The following TCF7L2 variants were observed in gnomAD, a reference collection of about 807,000 sequenced individuals.
The protein encoded by TCF7L2 is transcription factor 7-like 2.
In TCF7L2, 23 loss-of-function variants were observed where a neutral mutation model predicts 77.9. That is an observed-to-expected ratio of 0.30 (90% CI 0.21 to 0.42). The LOEUF is 0.42. Ranked by LOEUF, TCF7L2 falls within the 10% of genes least tolerant of loss-of-function variation. The pLI is 1.00. For missense variants in TCF7L2, 654 were observed against 793.1 expected, an observed-to-expected ratio of 0.82 and a Z score of 2.11; for synonymous variants, 413 against 340.2, an observed-to-expected ratio of 1.21 and a Z score of -2.36.
intron 4 of TCF7L2, among the ~76,000 whole-genome samples, chr10:113,015,652 A>AT (rs951387523): frequency 1.3e-5 from 2 of 151,366 alleles, no homozygotes; most frequent in African/African-American, 4.9e-5. Flanking sequence ...ATTAAAAAAA[A>AT]TTTTTTTTTG....
At chr10:113,051,203 C>CCACACACACACACACACACA (rs55771704) in intron 5 of TCF7L2, among the ~76,000 whole-genome samples, 2 of 140,390 alleles carry the variant, frequency 1.4e-5, no homozygotes, top group African/African-American at 5.3e-5. Context: ...TGCATACACA[C>CCACACACACACACACACACA]CACACACACA....
chr10:113,087,007 A>G (rs966227), intron 5 of TCF7L2, among the ~76,000 whole-genome samples: 38,577 of 144,676 alleles, frequency 0.27, 5,212 homozygotes, highest in South Asian at 0.34. Context: ...CACACACAAG[A>G]AAAAAAAAAG....
intron 4 of TCF7L2, among the ~76,000 whole-genome samples, chr10:112,997,208 A>G (rs1275120955): frequency 6.6e-6 from 1 of 152,258 alleles, no homozygotes; most frequent in East Asian, 1.9e-4. Context: ...CACAGCTGGT[A>G]GAATGTTTCT....
chr10:113,031,845 A>T (rs2050271497), intron 4 of TCF7L2, among the ~76,000 whole-genome samples: 1 of 152,116 alleles, frequency 6.6e-6, no homozygotes, highest in South Asian at 2.1e-4. Flanking sequence ...TGTCCCATTG[A>T]CTGTGTCTTT....
At chr10:113,047,648 C>T (rs1480439449) in intron 5 of TCF7L2, among the ~76,000 whole-genome samples, 1 of 152,054 alleles carries the variant, frequency 6.6e-6, no homozygotes, top group Admixed American at 6.5e-5. Context: ...ATTTTTAGTT[C>T]TATTATCTTT....
chr10:112,990,043 C>G (rs957742536), intron 4 of TCF7L2, among the ~76,000 whole-genome samples: 1 of 152,072 alleles, frequency 6.6e-6, no homozygotes, highest in South Asian at 2.1e-4. Context: ...CAGGTTGGCA[C>G]GTTGCAGAAA....
intron 5 of TCF7L2, chr10:113,130,011 G>T (rs1371459951): frequency 8.1e-7 from 1 of 1,242,224 alleles, no homozygotes; most frequent in African/African-American, 1.6e-5. Context: ...TGTGTGGTGT[G>T]TGTATGGGGG....
At chr10:113,016,646 G>A (rs942742462) in intron 4 of TCF7L2, among the ~76,000 whole-genome samples, 1 of 152,074 alleles carries the variant, frequency 6.6e-6, no homozygotes, top group Non-Finnish European at 1.5e-5. Context: ...AGCTGACTTC[G>A]ACTGGAATTG....
At chr10:113,161,648 C>T in intron 13 of TCF7L2, 2 of 1,533,424 alleles carry the variant, frequency 1.3e-6, no homozygotes, top group Non-Finnish European at 1.7e-6. Context: ...TTTGTAGTGC[C>T]TCCCTCGTCA....
At chr10:113,011,631 G>A (rs1253651066) in intron 4 of TCF7L2, among the ~76,000 whole-genome samples, 2 of 150,378 alleles carry the variant, frequency 1.3e-5, no homozygotes, top group Admixed American at 1.3e-4. Context: ...CTTGAGTGTT[G>A]CTGTTGAGTA....
chr10:113,071,714 T>C (rs2058039795), intron 5 of TCF7L2, among the ~76,000 whole-genome samples: 1 of 152,100 alleles, frequency 6.6e-6, no homozygotes, highest in Non-Finnish European at 1.5e-5. Context: ...TGTGTGTGAG[T>C]TGGCTGCCCC....
intron 4 of TCF7L2, among the ~76,000 whole-genome samples, chr10:113,001,560 A>G (rs1376762509): frequency 6.6e-6 from 1 of 151,862 alleles, no homozygotes; most frequent in Non-Finnish European, 1.5e-5. Flanking sequence ...ACTACTCTAA[A>G]CTTTACTCAG....
At chr10:113,065,335 C>T (rs141551453) in intron 5 of TCF7L2, among the ~76,000 whole-genome samples, 2 of 152,204 alleles carry the variant, frequency 1.3e-5, no homozygotes, top group African/African-American at 4.8e-5. Flanking sequence ...GGGCAGAGAC[C>T]AGAAGACATT....
intron 5 of TCF7L2, among the ~76,000 whole-genome samples, chr10:113,110,506 G>A (rs2062991427): frequency 6.6e-6 from 1 of 151,566 alleles, no homozygotes; most frequent in Non-Finnish European, 1.5e-5. Flanking sequence ...GTGAGACACA[G>A]CAATAAACAT....
chr10:113,143,549 G>C (rs1478349907), intron 6 of TCF7L2, among the ~76,000 whole-genome samples: 2 of 152,214 alleles, frequency 1.3e-5, no homozygotes, highest in African/African-American at 4.8e-5. Context: ...AGGGTGAAGG[G>C]CCAGAGTTGT....
rs953016587 is a variant in TCF7L2, at chr10:113,128,494, A to G, written c.553-12690A>G. Among the ~76,000 whole-genome samples, 22 of 152,146 alleles carry G rather than the reference A, an allele frequency of 1.4e-4. 1 individual carries two copies. The highest frequency in any genetic ancestry group is 4.1e-4 in the South Asian group (2 of 4,826). ...GCAATCAGTTCAGTAAATTAAAAAC[A>G]TCTCTACCTTAGGTGTCCTGCCGCC... On this transcript the variant is annotated intron_variant, in intron 5 of 13. Transcript: ENST00000627217.
chr10:113,149,184 G>A (rs768013469), intron 8 of TCF7L2, among the ~76,000 whole-genome samples: 1 of 152,182 alleles, frequency 6.6e-6, no homozygotes, highest in Non-Finnish European at 1.5e-5. Flanking sequence ...CAGTGGGAAG[G>A]AACAGGGTGT....
At chr10:113,053,231 C>T (rs1008182682) in intron 5 of TCF7L2, among the ~76,000 whole-genome samples, 20 of 152,062 alleles carry the variant, frequency 1.3e-4, no homozygotes, top group Admixed American at 7.9e-4. Context: ...AGCGGGAGGG[C>T]GGGCCATTGG....
chr10:113,157,103 GT>G lies in TCF7L2; in HGVS notation c.1270-910del, dbSNP rs150372856. Among the ~76,000 whole-genome samples, 322 of 152,116 alleles carry G rather than the reference GT, an allele frequency of 2.1e-3. 2 individuals carry two copies. Among genetic ancestry groups the G allele is most frequent in the African/African-American group, 7.3e-3 (305 of 41,498 alleles). ...TTTCTTACAGATGTCCACTCAGCAG[GT>G]TTTTTTTGTTTGTTTTTTGTTTTTT... On this transcript the variant is annotated intron_variant, in intron 11 of 13. Coordinates refer to ENST00000627217, the MANE Select transcript of TCF7L2 (RefSeq NM_001146274.2).
Sources: allele counts gnomAD v4.1 joint callset (sites outside exome capture counted in the v4.1 genomes callset), GRCh38; gene constraint gnomAD v4.1.1; transcripts MANE v1.5; gene names NCBI Gene and HGNC (gene_info 2026-07-23, HGNC 2026-07-21).